The following SBF2 variants were observed in gnomAD, a reference collection of about 807,000 sequenced individuals.
The protein encoded by SBF2 is SET binding factor 2, also known as myotubularin-related protein 13.
SBF2 carries 112 observed loss-of-function variants against 225.2 expected under a neutral mutation model. The ratio of observed to expected loss-of-function variants is 0.50; its 90% CI spans 0.43 to 0.58. The LOEUF (loss-of-function observed/expected upper bound fraction) is 0.58. Among genes scored for constraint, SBF2 ranks in the 20% least tolerant of loss-of-function variants. The probability of loss-of-function intolerance (pLI) is 0.00; values close to 1 mark genes in which losing one functional copy is unlikely to be tolerated. For synonymous variants in SBF2, 763 were observed against 773.3 expected (o/e 0.99, Z 0.22); for missense variants, 1,996 against 2,206.2 (o/e 0.90, Z 1.91).
chr11:9,970,781 T>C (rs971288077), intron 13 of SBF2, among the ~76,000 whole-genome samples: 3 of 152,218 alleles, frequency 2.0e-5, no homozygotes, highest in African/African-American at 7.2e-5. Context: ...TTAAAATCTG[T>C]TCTTGCCAAA....
chr11:10,025,453 T>C (rs992703115), intron 6 of SBF2, among the ~76,000 whole-genome samples: 1 of 152,144 alleles, frequency 6.6e-6, no homozygotes, highest in African/African-American at 2.4e-5. Flanking sequence ...TCGATAGTAC[T>C]GATCAGCTTC....
At chr11:10,077,131 C>T (rs986764913) in intron 2 of SBF2, among the ~76,000 whole-genome samples, 4 of 152,116 alleles carry the variant, frequency 2.6e-5, no homozygotes, top group Non-Finnish European at 4.4e-5. Context: ...GGGGTTTGAC[C>T]ACTGCTCAAG....
chr11:10,249,125 G>A (rs918989030), intron 1 of SBF2, among the ~76,000 whole-genome samples: 1 of 151,920 alleles, frequency 6.6e-6, no homozygotes, highest in Non-Finnish European at 1.5e-5. Flanking sequence ...GAAATTCTAT[G>A]TGTGAAAATA....
intron 20 of SBF2, 64 bp from the exon 21 acceptor site, chr11:9,852,813 G>T: frequency 2.5e-6 from 3 of 1,216,004 alleles, no homozygotes; most frequent in South Asian, 2.4e-5. Context: ...ACAAATTCTG[G>T]ATATTTTAGA....
At chr11:10,081,789 G>A (rs1346073387) in intron 2 of SBF2, among the ~76,000 whole-genome samples, 5 of 149,334 alleles carry the variant, frequency 3.3e-5, no homozygotes, top group Non-Finnish European at 7.4e-5. Context: ...AAGAAATATT[G>A]CACATTAGCA....
chr11:10,014,166 T>C (rs1948557370), intron 6 of SBF2, among the ~76,000 whole-genome samples: 2 of 152,150 alleles, frequency 1.3e-5, no homozygotes, highest in South Asian at 2.1e-4. Flanking sequence ...AAATTTTAGG[T>C]GTTAGGGCAT....
chr11:10,163,206 G>C (rs1157458722), intron 2 of SBF2, among the ~76,000 whole-genome samples: 3 of 152,028 alleles, frequency 2.0e-5, no homozygotes, highest in Non-Finnish European at 2.9e-5. Flanking sequence ...TTTCAATATG[G>C]TTCTTTAAAA....
intron 13 of SBF2, among the ~76,000 whole-genome samples, chr11:9,985,735 A>G (rs900070245): frequency 2.0e-5 from 3 of 152,182 alleles, no homozygotes; most frequent in Non-Finnish European, 4.4e-5. Context: ...AAAATATCAC[A>G]ATCCTAAACA....
intron 13 of SBF2, among the ~76,000 whole-genome samples, chr11:9,969,988 G>C (rs550781142): frequency 1.3e-5 from 2 of 152,238 alleles, no homozygotes; most frequent in East Asian, 3.9e-4. Context: ...GACTCTTTGG[G>C]TTGGCATGAA....
chr11:9,817,161 G>C (rs1854499703), intron 28 of SBF2, 137 bp from the exon 29 acceptor site: 3 of 857,042 alleles, frequency 3.5e-6, no homozygotes, highest in Non-Finnish European at 5.8e-6. Flanking sequence ...TAAGTCATAT[G>C]GTCATTTGCT....
intron 1 of SBF2, among the ~76,000 whole-genome samples, chr11:10,261,193 C>A (rs533127778): frequency 2.0e-5 from 3 of 152,120 alleles, no homozygotes; most frequent in African/African-American, 4.8e-5. Context: ...AACTGAAATT[C>A]TCTTTTTGTT....
At chr11:10,107,704 A>G (rs1327292821) in intron 2 of SBF2, among the ~76,000 whole-genome samples, 3 of 152,202 alleles carry the variant, frequency 2.0e-5, no homozygotes, top group Non-Finnish European at 4.4e-5. Flanking sequence ...CTCTGCCTCC[A>G]TCACATCACC....
At chr11:10,263,099 A>C (rs935197232) in intron 1 of SBF2, among the ~76,000 whole-genome samples, 16 of 152,042 alleles carry the variant, frequency 1.1e-4, no homozygotes, top group African/African-American at 3.6e-4. Context: ...GAATCTTAAA[A>C]TCTCCTCCTT....
intron 16 of SBF2, among the ~76,000 whole-genome samples, chr11:9,905,278 G>T (rs571449381): frequency 6.6e-6 from 1 of 152,186 alleles, no homozygotes; most frequent in African/African-American, 2.4e-5. Context: ...GCAATTTAAT[G>T]GCATTTTTAT....
intron 2 of SBF2, among the ~76,000 whole-genome samples, chr11:10,172,413 C>G (rs543677237): frequency 7.2e-5 from 11 of 152,072 alleles, no homozygotes; most frequent in African/African-American, 2.7e-4. Context: ...AGCACAATGG[C>G]GCATCTCAGC....
Position 9,832,269 on chromosome 11 carries a change from T to G in SBF2, c.3607A>C (p.Lys1203Gln). 1 of 1,614,216 alleles carries G rather than the reference T, an allele frequency of 6.2e-7. No homozygotes were observed. Reference protein sequence around the residue: ...LLLRSGGFHGKGVVGLFKSQN... With the variant: ...LLLRSGGFHGQGVVGLFKSQN... The stretch of plus-strand genomic sequence containing the variant: ...GATTTGAAAAGACCAACGACTCCCT[T>G]CCCATGGAATCCTCCAGATCGGAGG... The change falls in exon 27 of 40, where the codon AAG becomes CAG. Residue 1203 changes from lysine to glutamine, a missense_variant. Coordinates refer to ENST00000256190, the MANE Select transcript of SBF2 (RefSeq NM_030962.4).
chr11:10,033,534 A>G (rs567073811), intron 3 of SBF2, among the ~76,000 whole-genome samples: 20 of 152,108 alleles, frequency 1.3e-4, no homozygotes, highest in Non-Finnish European at 2.4e-4. Flanking sequence ...TTCCTTTGTA[A>G]ATGTGCTACA....
chr11:10,057,460 C>T (rs1411636325), intron 2 of SBF2, among the ~76,000 whole-genome samples: 1 of 152,144 alleles, frequency 6.6e-6, no homozygotes, highest in African/African-American at 2.4e-5. Context: ...CCATGGGTCC[C>T]ACAAACCCCC....
intron 2 of SBF2, among the ~76,000 whole-genome samples, chr11:10,100,742 T>C (rs1484724111): frequency 6.6e-6 from 1 of 151,890 alleles, no homozygotes; most frequent in Non-Finnish European, 1.5e-5. Context: ...CATGGTGGAG[T>C]ATCCGTCTGT....
Sources: gnomAD v4.1 joint callset for allele counts (sites outside exome capture counted in the v4.1 genomes callset) on GRCh38, gnomAD v4.1.1 for gene constraint, MANE v1.5 for transcripts, NCBI Gene and HGNC (gene_info 2026-07-23, HGNC 2026-07-21) for gene names.